The following ADK variants were observed in gnomAD, a reference collection of about 807,000 sequenced individuals.
ADK encodes the protein adenosine kinase.
Under a neutral mutation model 44.7 loss-of-function variants are expected in ADK, and 24 were observed. The ratio of observed to expected loss-of-function variants is 0.54; its 90% confidence interval spans 0.39 to 0.76. The LOEUF (loss-of-function observed/expected upper bound fraction) is 0.76, where lower values mean the gene tolerates loss of function less well. Ranked by LOEUF, ADK falls within the 30% of genes least tolerant of loss-of-function variation. The pLI is 0.00. For synonymous variants in ADK, 128 were observed against 142.6 expected, an observed-to-expected ratio of 0.90 and a Z score of 0.73; for missense variants, 321 against 425.1, an observed-to-expected ratio of 0.76 and a Z score of 2.15.
intron 6 of ADK, among the ~76,000 whole-genome samples, chr10:74,500,933 A>G (rs1182803059): frequency 2.0e-5 from 3 of 152,232 alleles, no homozygotes; most frequent in Non-Finnish European, 2.9e-5. Flanking sequence ...CAGGGTCAAT[A>G]TAAGTGCATT....
At chr10:74,317,881 A>T (rs1840679526) in intron 4 of ADK, among the ~76,000 whole-genome samples, 1 of 152,128 alleles carries the variant, frequency 6.6e-6, no homozygotes, top group Admixed American at 6.5e-5. Context: ...TCCCGGGTTC[A>T]AGTGATTCTT....
chr10:74,392,050 C>T (rs1432297749), intron 4 of ADK, among the ~76,000 whole-genome samples: 1 of 151,982 alleles, frequency 6.6e-6, no homozygotes, highest in Non-Finnish European at 1.5e-5. Flanking sequence ...GTTTCTTTAT[C>T]CTTTAATTGT....
chr10:74,265,625 A>AG (rs1229084813), intron 3 of ADK, among the ~76,000 whole-genome samples: 1 of 21,992 alleles, frequency 4.5e-5, no homozygotes, highest in Non-Finnish European at 2.2e-4. Context: ...CAATCACTTT[A>AG]TCAAAGTCAG....
At chr10:74,170,578 C>T (rs1315643094) in intron 1 of ADK, among the ~76,000 whole-genome samples, 1 of 151,906 alleles carries the variant, frequency 6.6e-6, no homozygotes, top group Non-Finnish European at 1.5e-5. Context: ...GCAGGCGGAT[C>T]ACGAGGTCAG....
At chr10:74,164,299 G>A (rs1841978293) in intron 1 of ADK, among the ~76,000 whole-genome samples, 2 of 152,212 alleles carry the variant, frequency 1.3e-5, no homozygotes, top group South Asian at 4.1e-4. Context: ...ACTTTGGGAG[G>A]CTGAGGCAGG....
At chr10:74,153,198 G>T (rs1042007774) in intron 1 of ADK, among the ~76,000 whole-genome samples, 1 of 152,184 alleles carries the variant, frequency 6.6e-6, no homozygotes, top group Non-Finnish European at 1.5e-5. Context: ...TAGATTTAGG[G>T]ATTTGTGAGA....
intron 2 of ADK, among the ~76,000 whole-genome samples, chr10:74,205,759 A>G (rs1305601436): frequency 6.6e-6 from 1 of 151,952 alleles, no homozygotes; most frequent in Non-Finnish European, 1.5e-5. Flanking sequence ...AAAACTCCAT[A>G]TAATTATCTC....
intron 1 of ADK, among the ~76,000 whole-genome samples, chr10:74,156,274 C>T (rs1564564747): frequency 6.6e-6 from 1 of 152,082 alleles, no homozygotes; most frequent in Non-Finnish European, 1.5e-5. Context: ...AAACATGAGG[C>T]TGATGTGCTG....
At position 74,524,738 on chromosome 10, in the gene ADK, A is replaced by C. The variant is rs114202537; in HGVS notation, c.556-518A>C. Among the ~76,000 whole-genome samples the C allele has an allele frequency of 5.7e-3, 866 of 152,324 alleles. 6 individuals are homozygous for C. Among genetic ancestry groups the C allele is most frequent in the African/African-American group, 0.02 (820 of 41,568 alleles). ...ACAGATTATTTTAAAGTCACTTATA[A>C]GAATACAAACTCAGCCAGGCTCAGT... is the stretch of plus-strand genomic sequence containing the variant. On this transcript the variant is annotated intron_variant, in intron 6 of 10. Coordinates refer to ENST00000539909, the MANE Select transcript of ADK (RefSeq NM_006721.4).
At chr10:74,537,865 T>C (rs1447353917) in intron 7 of ADK, among the ~76,000 whole-genome samples, 3 of 152,096 alleles carry the variant, frequency 2.0e-5, no homozygotes, top group African/African-American at 7.2e-5. Context: ...GGCAGAAGAA[T>C]TCAGTTAAAT....
At chr10:74,442,342 G>C (rs1264409839) in intron 6 of ADK, among the ~76,000 whole-genome samples, 1 of 152,044 alleles carries the variant, frequency 6.6e-6, no homozygotes, top group African/African-American at 2.4e-5. Context: ...TCTCATTTTT[G>C]GATATAAATC....
intron 6 of ADK, among the ~76,000 whole-genome samples, chr10:74,435,585 G>A (rs1845154601): frequency 6.6e-6 from 1 of 152,052 alleles, no homozygotes; most frequent in South Asian, 2.1e-4. Context: ...GAAGCTCTTT[G>A]AACACCAAGT....
intron 4 of ADK, among the ~76,000 whole-genome samples, chr10:74,349,676 C>G (rs1841894677): frequency 6.6e-6 from 1 of 151,904 alleles, no homozygotes; most frequent in Admixed American, 6.6e-5. Context: ...ACCCATCTCA[C>G]TTGCAAAGAC....
At chr10:74,306,021 G>T (rs553147620) in intron 3 of ADK, among the ~76,000 whole-genome samples, 1 of 151,950 alleles carries the variant, frequency 6.6e-6, no homozygotes, top group East Asian at 1.9e-4. Flanking sequence ...CACCATGCCT[G>T]GTCAAGCCAT....
intron 1 of ADK, among the ~76,000 whole-genome samples, chr10:74,178,140 C>T (rs888181716): frequency 1.3e-5 from 2 of 151,870 alleles, no homozygotes; most frequent in African/African-American, 2.4e-5. Context: ...GGGGGTTTCA[C>T]CATATTGGCC....
rs1418073207 is a variant in ADK at position 74,151,315 on chromosome 10, C to G, written c.37C>G (p.Leu13Val). 4.5e-6 allele frequency: 7 copies of G among 1,549,644 alleles called. No homozygotes were observed. The highest frequency in any genetic ancestry group is 6.1e-6 in the Non-Finnish European group (7 of 1,146,824). ...AAEEEPKPKK[L>V]KVEAPQALRE... is the part of the protein sequence containing the mutation. ...TGAGGAGGAGCCGAAGCCCAAAAAGCTGAAGGTGGAGGCGCCGCAAGCGCT... is the reference window on the plus strand; with the variant it reads ...TGAGGAGGAGCCGAAGCCCAAAAAGGTGAAGGTGGAGGCGCCGCAAGCGCT... The change falls in exon 1 of 11, where the codon CTG (leucine) becomes GTG (valine). Residue 13 changes from leucine to valine, a missense_variant. Transcript: ENST00000539909.
At chr10:74,601,617 G>T (rs1852123137) in intron 9 of ADK, among the ~76,000 whole-genome samples, 1 of 151,924 alleles carries the variant, frequency 6.6e-6, no homozygotes, top group Non-Finnish European at 1.5e-5. Flanking sequence ...TGGATATATG[G>T]GGGCATCATT....
chr10:74,225,065 G>C (rs1365196607), intron 3 of ADK, among the ~76,000 whole-genome samples: 1 of 152,092 alleles, frequency 6.6e-6, no homozygotes, highest in East Asian at 1.9e-4. Context: ...CAATTGTTTG[G>C]TACAAGGTAA....
intron 9 of ADK, among the ~76,000 whole-genome samples, chr10:74,621,857 C>G (rs1853005783): frequency 6.6e-6 from 1 of 151,936 alleles, no homozygotes; most frequent in Admixed American, 6.6e-5. Context: ...TTTGTAAGAC[C>G]CAGTCTACCT....
Sources: allele counts gnomAD v4.1 joint callset (sites outside exome capture counted in the v4.1 genomes callset), GRCh38; gene constraint gnomAD v4.1.1; transcripts MANE v1.5; gene names NCBI Gene and HGNC (gene_info 2026-07-23, HGNC 2026-07-21).